TPTE: variants seen among roughly 807,000 people sequenced by gnomAD.
TPTE encodes transmembrane phosphatase with tensin homology.
In TPTE, 59 loss-of-function variants were observed where a neutral mutation model predicts 84.1. That is an observed-to-expected ratio of 0.70 (90% CI 0.57 to 0.87). TPTE has a LOEUF of 0.87. Ranked by LOEUF, TPTE falls within the 40% of genes least tolerant of loss-of-function variation. The pLI, the probability that TPTE is intolerant of heterozygous loss-of-function variation, is 0.00. For missense variants in TPTE, 382 were observed against 659.6 expected, an observed-to-expected ratio of 0.58 and a Z score of 4.61; for synonymous variants, 130 against 223.5, an observed-to-expected ratio of 0.58 and a Z score of 3.73.
chr21:10,552,851 C>T (rs2074604650), intron 8 of TPTE, 135 bp downstream of exon 8: 1 of 1,465,406 alleles, frequency 6.8e-7, no homozygotes, highest in African/African-American at 1.4e-5. Flanking sequence ...TGGGAGTGTA[C>T]ACCGTATTTA....
At chr21:10,595,090 T>C (rs58742143) in intron 19 of TPTE, among the ~76,000 whole-genome samples, 1 of 152,428 alleles carries the variant, frequency 6.6e-6, no homozygotes, top group East Asian at 1.9e-4. Context: ...TCGCCCAGAC[T>C]AGAGTGCAGT....
intron 10 of TPTE, among the ~76,000 whole-genome samples, chr21:10,567,170 T>C: frequency 1.3e-5 from 2 of 148,476 alleles, no homozygotes; most frequent in Non-Finnish European, 3.0e-5. Context: ...CATCAGAGGC[T>C]AGGAATGGTA....
chr21:10,566,131 G>C (rs2074916241), intron 10 of TPTE, among the ~76,000 whole-genome samples: 2 of 152,300 alleles, frequency 1.3e-5, no homozygotes, highest in Non-Finnish European at 2.9e-5. Flanking sequence ...TTAATAACCA[G>C]AATATGTAAG....
intron 3 of TPTE, among the ~76,000 whole-genome samples, chr21:10,531,106 TTA>T: frequency 6.6e-6 from 1 of 152,424 alleles, no homozygotes; most frequent in South Asian, 2.1e-4. Flanking sequence ...TTCAAAGTGA[TTA>T]TGTTACATCT....
Position 10,567,008 on chromosome 21 carries a change from G to C in TPTE, c.447-662G>C, listed in dbSNP as rs547394782. Among the ~76,000 whole-genome samples, 10 of 152,302 alleles carry C rather than the reference G, an allele frequency of 6.6e-5. No homozygotes were observed. In the East Asian group the frequency reaches 1.9e-3, roughly 29 times the overall value. On this transcript the variant is annotated intron_variant, in intron 10 of 23. Transcript: ENST00000618007. ...AAAAAAAAAAAAATACTGTCATTTGGAACAACATGGATGGAACTGGAGATC... is the reference window on the plus strand; with the variant it reads ...AAAAAAAAAAAAATACTGTCATTTGCAACAACATGGATGGAACTGGAGATC...
intron 1 of TPTE, among the ~76,000 whole-genome samples, chr21:10,524,349 C>G (rs1352694519): frequency 1.3e-5 from 2 of 152,312 alleles, no homozygotes; most frequent in Non-Finnish European, 2.9e-5. Flanking sequence ...CATTCCTTTC[C>G]CCTCCCAGGG....
chr21:10,594,829 C>T (rs2075551633), intron 19 of TPTE, among the ~76,000 whole-genome samples: 1 of 152,308 alleles, frequency 6.6e-6, no homozygotes, highest in Non-Finnish European at 1.5e-5. Context: ...ACAGAGTGCC[C>T]TCTGTGTCTG....
chr21:10,547,363 AGCCCCTTCT>A (rs1194538577), intron 7 of TPTE, among the ~76,000 whole-genome samples: 1 of 152,308 alleles, frequency 6.6e-6, no homozygotes, highest in East Asian at 1.9e-4. Context: ...CAGCCTGTGC[AGCCCCTTCT>A]GCCCCATCTG....
chr21:10,560,499 G>A (rs1307254939), intron 9 of TPTE, among the ~76,000 whole-genome samples: 1 of 152,290 alleles, frequency 6.6e-6, no homozygotes, highest in Non-Finnish European at 1.5e-5. Flanking sequence ...CAAGACTCAT[G>A]TGCCCATCAC....
At chr21:10,564,409 C>T (rs1475729925) in intron 10 of TPTE, among the ~76,000 whole-genome samples, 2 of 152,308 alleles carry the variant, frequency 1.3e-5, no homozygotes, top group Admixed American at 1.3e-4. Context: ...ACTCATGAGG[C>T]CGAGGCCGGA....
Position 10,523,033 on chromosome 21 carries a change from A to G in TPTE, c.-211+1339A>G, listed in dbSNP as rs1245098566. Among the ~76,000 whole-genome samples the G allele has an allele frequency of 8.5e-5, 13 of 152,408 alleles. No individual in the cohort carries two copies. The East Asian group carries it at 2.3e-3, about 27-fold the overall frequency. On this transcript the variant is annotated intron_variant, in intron 1 of 23. Coordinates refer to ENST00000618007, the MANE Select transcript of TPTE (RefSeq NM_199261.4). ...TTTAGTGAAATTTAATATTGTTTAGAAAACACTAAGCAAACATAGTTATTC... is the reference window on the plus strand; with the variant it reads ...TTTAGTGAAATTTAATATTGTTTAGGAAACACTAAGCAAACATAGTTATTC...
chr21:10,593,400 C>T (rs2075522584), intron 19 of TPTE, among the ~76,000 whole-genome samples: 2 of 152,426 alleles, frequency 1.3e-5, no homozygotes, highest in South Asian at 4.1e-4. Flanking sequence ...TTTGTTTAAT[C>T]AGAATTCAAA....
Position 10,540,840 on chromosome 21 carries a change from C to T in TPTE, c.12-272C>T, listed in dbSNP as rs528599752. 8 of 589,612 alleles carry T rather than the reference C, an allele frequency of 1.4e-5. No individual in the cohort carries two copies. In the East Asian group the frequency reaches 1.6e-4, roughly 12 times the overall value. The allele number at this position is 589,612 out of a possible 1,614,324, so 36.5% of individuals were successfully genotyped here. On this transcript the variant is annotated intron_variant, in intron 4 of 23. Transcript: ENST00000618007. ...ACTAAATTTGAACTAGAATTAAATG[C>T]TCTCCAAAAATGCTGTTACACCTTG... is the stretch of plus-strand genomic sequence containing the variant.
intron 17 of TPTE, among the ~76,000 whole-genome samples, chr21:10,585,533 G>C (rs372966967): frequency 0.012 from 1,792 of 149,112 alleles, no homozygotes; most frequent in African/African-American, 0.038. Context: ...TTTTGTTTAG[G>C]ATTTTCAAAT....
chr21:10,567,342 A>G (rs1925907), intron 10 of TPTE, among the ~76,000 whole-genome samples: 3 of 152,308 alleles, frequency 2.0e-5, no homozygotes, highest in South Asian at 2.1e-4. Flanking sequence ...TGTTTGTAAC[A>G]TGAATGATAA....
At chr21:10,560,770 G>T (rs1212315176) in intron 9 of TPTE, among the ~76,000 whole-genome samples, 1 of 152,312 alleles carries the variant, frequency 6.6e-6, no homozygotes, top group South Asian at 2.1e-4. Context: ...CTCTTGAGGT[G>T]TTGGTCTGAT....
At chr21:10,584,206 A>G (rs1478219340) in intron 17 of TPTE, among the ~76,000 whole-genome samples, 1 of 152,308 alleles carries the variant, frequency 6.6e-6, no homozygotes, top group Non-Finnish European at 1.5e-5. Flanking sequence ...GGTGAGATTT[A>G]TTCTTAGATT....
At chr21:10,573,815 G>C (rs1427430924) in intron 14 of TPTE, among the ~76,000 whole-genome samples, 3 of 152,308 alleles carry the variant, frequency 2.0e-5, no homozygotes, top group Admixed American at 2.0e-4. Context: ...TTCTCCAGTA[G>C]GCTACTTCAG....
chr21:10,523,913 A>G (rs565150887), intron 1 of TPTE, among the ~76,000 whole-genome samples: 446 of 152,174 alleles, frequency 2.9e-3, no homozygotes, highest in South Asian at 7.9e-3. Context: ...CAGTCCCACC[A>G]ACAGTGTAAA....
Sources: gnomAD v4.1 joint callset for allele counts (sites outside exome capture counted in the v4.1 genomes callset) on GRCh38, gnomAD v4.1.1 for gene constraint, MANE v1.5 for transcripts, NCBI Gene and HGNC (gene_info 2026-07-23, HGNC 2026-07-21) for gene names.